Variants in RASAL3 observed in about 807,000 individuals in gnomAD.
RASAL3 encodes RAS protein activator like-3.
A neutral mutation model predicts 105.5 loss-of-function variants in RASAL3; 74 were observed. The observed-to-expected ratio is 0.70, with a 90% confidence interval of 0.58 to 0.85. RASAL3 has a LOEUF of 0.85. Ranked by LOEUF, RASAL3 falls within the 40% of genes least tolerant of loss-of-function variation. The pLI is 0.00. For synonymous variants in RASAL3, 579 were observed against 591.6 expected (o/e 0.98, Z 0.31); for missense variants, 1,352 against 1,392.0 (o/e 0.97, Z 0.46).
chr19:15,458,637 G>T lies in RASAL3; in HGVS notation c.681C>A (p.Gly227=). 4 of 1,613,330 alleles carry T rather than the reference G, an allele frequency of 2.5e-6. No individual in the cohort carries two copies. The highest frequency in any genetic ancestry group is 3.4e-6 in the Non-Finnish European group (4 of 1,179,674). Residue 227 remains glycine, a synonymous_variant, in exon 7 of 18, where the codon GGC becomes GGA. Coordinates refer to ENST00000343625, the MANE Select transcript of RASAL3 (RefSeq NM_022904.3). ...AGAGTGTGGCCAGCGACTCCCTAGA[G>T]CCCAGAGCACTGGGGGGTCTGGGAA... The part of the protein sequence containing the change: ...EPRDGPPSAL[G]SRESLATLSE...
intron 17 of RASAL3, 21 bp from the exon 18 acceptor site, chr19:15,451,959 G>A (rs766477720): frequency 3.3e-5 from 53 of 1,611,372 alleles, no homozygotes; most frequent in Non-Finnish European, 4.4e-5. Flanking sequence ...AGTGGTGATG[G>A]GGTTCAGAAA....
intron 8 of RASAL3, 78 bp downstream of exon 8, chr19:15,458,246 GAGCT>G: frequency 7.5e-7 from 1 of 1,338,664 alleles, no homozygotes; most frequent in Admixed American, 2.0e-5. Flanking sequence ...GTTATGGAGC[GAGCT>G]GGCTTTGGGT....
Position 15,461,297 on chromosome 19 carries a change from C to T in RASAL3, c.466-1G>A. 6.2e-7 allele frequency: 1 copy of T among 1,612,794 alleles called. No homozygotes were observed. Among genetic ancestry groups the T allele is most frequent in the Non-Finnish European group, 8.5e-7 (1 of 1,179,460 alleles). On this transcript the variant is annotated splice_acceptor_variant, in intron 3 of 17. Coordinates refer to ENST00000343625, the MANE Select transcript of RASAL3 (RefSeq NM_022904.3). LOFTEE classifies it high-confidence loss of function. ...TTCCCACCCGGGGCCTTCGAGGACC[C>T]TGTTCTCCCGCAGGAGTGGGTAGTC...
Position 15,461,242 on chromosome 19 carries a change from C to T in RASAL3, c.520G>A (p.Ala174Thr). Residue 174 changes from alanine (A) to threonine (T), a missense_variant, in exon 4 of 18, where the codon GCC (alanine) becomes ACC (threonine). Physicochemically the swap from Ala to Thr is moderately conservative, Grantham distance 58 (BLOSUM62 0). This residue lies in a region of RASAL3 where 344 missense variants were observed against 339.6 expected (regional missense o/e 1.01). Coordinates refer to ENST00000343625, the MANE Select transcript of RASAL3 (RefSeq NM_022904.3). ...SASSEGSIHV[A>T]MGNFRDPDRM... ...CCTGGATCCCTGAAGTTCCCCATGG[C>T]CACGTGGATGCTGCCCTCGGAGCTA... is the stretch of plus-strand genomic sequence containing the variant. The T allele has an allele frequency of 6.2e-7, 1 of 1,613,918 alleles. No individual in the cohort carries two copies. Among genetic ancestry groups the T allele is most frequent in the Non-Finnish European group, 8.5e-7 (1 of 1,179,856 alleles).
chr19:15,460,369 C>T (rs769570272), intron 5 of RASAL3, 111 bp from the exon 6 acceptor site: 2 of 937,254 alleles, frequency 2.1e-6, no homozygotes, highest in African/African-American at 1.7e-5. Flanking sequence ...ACACCAAGCT[C>T]AGGCTGTATT....
In RASAL3 at chr19:15,456,611, C is replaced by T; in HGVS notation, c.1467G>A (p.Ala489=). The change falls in exon 10 of 18, where the codon GCG becomes GCA. Residue 489 remains alanine (A), a synonymous_variant. Coordinates refer to ENST00000343625, the MANE Select transcript of RASAL3 (RefSeq NM_022904.3). The surrounding 1 kb of genome is among the most constrained non-coding windows in gnomAD (Gnocchi z 4.4). ...LVTDLGTAEL[A]RCGGREALLF... is the part of the protein sequence containing the mutation. ...GCAGCGCCTCACGGCCTCCACAGCGCGCCAGCTCCGCAGTGCCCAGGTCAG... is the reference window on the plus strand; with the variant it reads ...GCAGCGCCTCACGGCCTCCACAGCGTGCCAGCTCCGCAGTGCCCAGGTCAG... 6.2e-7 allele frequency: 1 copy of T among 1,613,270 alleles called. No homozygotes were observed. The highest frequency in any genetic ancestry group is 8.5e-7 in the Non-Finnish European group (1 of 1,179,698).
chr19:15,464,464 T>A, intron 1 of RASAL3, 41 bp downstream of exon 1: 1 of 1,132,782 alleles, frequency 8.8e-7, no homozygotes, highest in Non-Finnish European at 1.3e-6. Flanking sequence ...CAGCTCTGCC[T>A]CCAGGAATCC....
chr19:15,453,441 G>T lies in RASAL3; in HGVS notation c.2336C>A (p.Thr779Asn). 2 of 1,540,920 alleles carry T rather than the reference G, an allele frequency of 1.3e-6. No individual in the cohort carries two copies. Among genetic ancestry groups the T allele is most frequent in the East Asian group, 2.5e-5 (1 of 39,486 alleles). ...FLAPRDLPKH[T>N]PLISKSQSLR... The stretch of plus-strand genomic sequence containing the variant: ...AGACTGGCTCTTGGAGATGAGAGGG[G>T]TGTGCTTGGGGAGGTCCCGGGGGGC... The change falls in exon 15 of 18, where the codon ACC becomes AAC. Residue 779 changes from threonine to asparagine, a missense_variant. Transcript: ENST00000343625. This position sits in a 1 kb window ranked among gnomAD's most constrained non-coding sequence, Gnocchi z 4.2.
Position 15,453,551 on chromosome 19 carries a change from A to G in RASAL3, c.2280-54T>C, listed in dbSNP as rs1970227126. Reference sequence around the variant, plus strand: ...CTCCACTGGCCCCTGAGACGACCCCATCCCGACCTGACCAGAAGTGACCTC... The same window carrying G: ...CTCCACTGGCCCCTGAGACGACCCCGTCCCGACCTGACCAGAAGTGACCTC... On this transcript the variant is annotated intron_variant, in intron 14 of 17. Transcript: ENST00000343625. This position sits in a 1 kb window ranked among gnomAD's most constrained non-coding sequence, Gnocchi z 4.2. The G allele has an allele frequency of 1.4e-6, 2 of 1,449,364 alleles. No individual in the cohort carries two copies. The highest frequency in any genetic ancestry group is 1.8e-6 in the Non-Finnish European group (2 of 1,110,736). 89.8% of individuals were successfully genotyped at this position (1,449,364 alleles called of 1,614,324 possible). A position where few individuals can be genotyped will look rare whatever the true frequency, so the allele number is the denominator to read the frequency against.
rs751462297 is a variant in RASAL3 at position 15,457,470 on chromosome 19, CGCGCCCGCAGCGCT to C, written c.1239_1252del (p.Ala414AspfsTer64). On this transcript the variant is annotated frameshift_variant, in exon 9 of 18. Coordinates refer to ENST00000343625, the MANE Select transcript of RASAL3 (RefSeq NM_022904.3). LOFTEE classifies it high-confidence loss of function. This position sits in a 1 kb window ranked among gnomAD's most constrained non-coding sequence, Gnocchi z 8.6. ...CACGCGCAGGCGACGCGCCCGAATC[CGCGCCCGCAGCGCT>C]GCGCCCGCCGGCGCCCCGAGCAGCG... 5,157 of 1,353,842 alleles carry C rather than the reference CGCGCCCGCAGCGCT, an allele frequency of 3.8e-3. 20 individuals are homozygous for C. Among genetic ancestry groups the C allele is most frequent in the Non-Finnish European group, 4.3e-3 (4,568 of 1,052,998 alleles). 83.9% of individuals were successfully genotyped at this position (1,353,842 alleles called of 1,614,324 possible). A position where few individuals can be genotyped will look rare whatever the true frequency, so the allele number is the denominator to read the frequency against.
chr19:15,458,279 C>T (rs1397558999), intron 8 of RASAL3, 49 bp downstream of exon 8: 6 of 1,556,660 alleles, frequency 3.9e-6, no homozygotes, highest in Non-Finnish European at 4.4e-6. Flanking sequence ...AGGGGCGGGC[C>T]AGGCCTGTGG....
chr19:15,452,857 C>T, intron 15 of RASAL3, 42 bp from the exon 16 acceptor site: 6 of 1,493,236 alleles, frequency 4.0e-6, no homozygotes, highest in African/African-American at 1.4e-5. Context: ...GTTGTCCCGC[C>T]CCTGTGTCTC....
chr19:15,454,054 C>T, intron 14 of RASAL3, 95 bp downstream of exon 14: 2 of 895,034 alleles, frequency 2.2e-6, no homozygotes, highest in South Asian at 3.3e-5. Flanking sequence ...GGCTTGACCT[C>T]TGCTCACAAT....
chr19:15,453,326 C>G lies in RASAL3; in HGVS notation c.2451G>C (p.Thr817=). Residue 817 remains threonine (T), a synonymous_variant, in exon 15 of 18, where the codon ACG becomes ACC. Transcript: ENST00000343625. The surrounding 1 kb of genome is among the most constrained non-coding windows in gnomAD (Gnocchi z 4.2). ...CAGGACGCCGGACCGGGACACTCTGCGTGCGCTGCACCGGCCGGGGCCGCC... is the reference window on the plus strand; with the variant it reads ...CAGGACGCCGGACCGGGACACTCTGGGTGCGCTGCACCGGCCGGGGCCGCC... ...PLRRPRPVQR[T]QSVPVRRPAR... 6.8e-7 allele frequency: 1 copy of G among 1,461,420 alleles called. No individual in the cohort carries two copies. The highest frequency in any genetic ancestry group is 1.5e-5 in the African/African-American group (1 of 68,086). The allele number at this position is 1,461,420 out of a possible 1,614,324, so 90.5% of individuals were successfully genotyped here.
In RASAL3 at chr19:15,457,757, C is replaced by A. The variant is rs1442693424; in HGVS notation, c.966G>T (p.Gly322=). 2.6e-6 allele frequency: 4 copies of A among 1,545,458 alleles called. No individual in the cohort carries two copies. The African/African-American group carries it at 5.5e-5, about 21-fold the overall frequency. Residue 322 remains glycine, a synonymous_variant, in exon 9 of 18, where the codon GGG becomes GGT. Coordinates refer to ENST00000343625, the MANE Select transcript of RASAL3 (RefSeq NM_022904.3). The surrounding 1 kb of genome is among the most constrained non-coding windows in gnomAD (Gnocchi z 8.6). ...ACAGCTCGGCGCGCACGCCGGGTGC[C>A]CCCGCCGCTGCTCGGGGAAGCCCCT... ...EAKGLPRAAA[G]APGVRAELWL...
chr19:15,461,263 A>G lies in RASAL3; in HGVS notation c.499T>C (p.Ser167Pro). 1 of 1,613,682 alleles carries G rather than the reference A, an allele frequency of 6.2e-7. No homozygotes were observed. Among genetic ancestry groups the G allele is most frequent in the Admixed American group, 1.7e-5 (1 of 59,984 alleles). Residue 167 changes from serine to proline, a missense_variant, in exon 4 of 18, where the codon TCC becomes CCC. Physicochemically the swap from Ser to Pro is moderately conservative, Grantham distance 74. Around this residue, in one of 3 missense-constraint regions of RASAL3, gnomAD observed 344 missense variants for 339.6 expected, o/e 1.01. Coordinates refer to ENST00000343625, the MANE Select transcript of RASAL3 (RefSeq NM_022904.3). ...ATGGCCACGTGGATGCTGCCCTCGG[A>G]GCTAGCACTTCCCACCCGGGGCCTT... Reference protein sequence around the residue: ...PRRPRVGSASSEGSIHVAMGN... With the variant: ...PRRPRVGSASPEGSIHVAMGN...
intron 2 of RASAL3, among the ~76,000 whole-genome samples, chr19:15,463,081 CTTT>C (rs527514253): frequency 6.9e-6 from 1 of 143,932 alleles, no homozygotes; most frequent in African/African-American, 2.5e-5. Flanking sequence ...TTTTTTCTTT[CTTT>C]TTTTTTTTTT....
rs1444894903 is a variant in RASAL3 at position 15,454,574 on chromosome 19, C to A, written c.1959-12G>T. The A allele has an allele frequency of 2.5e-6, 4 of 1,613,216 alleles. No homozygotes were observed. The highest frequency in any genetic ancestry group is 3.4e-6 in the Non-Finnish European group (4 of 1,179,646). On this transcript the variant is annotated splice_polypyrimidine_tract_variant and intron_variant, in intron 12 of 17. Transcript: ENST00000343625. Reference sequence around the variant, plus strand: ...CCTTCTCACCGAACCTGGATCAGGGCCAGGCTGGGTGGGTCAGGTCAGGCA... The same window carrying A: ...CCTTCTCACCGAACCTGGATCAGGGACAGGCTGGGTGGGTCAGGTCAGGCA...
intron 5 of RASAL3, 75 bp downstream of exon 5, chr19:15,460,985 G>A (rs1970488386): frequency 5.1e-6 from 7 of 1,376,716 alleles, no homozygotes; most frequent in Admixed American, 3.6e-5. Context: ...CACCCAGCAA[G>A]AGTGCCCTTT....
Sources: allele counts gnomAD v4.1 joint callset (sites outside exome capture counted in the v4.1 genomes callset), GRCh38; gene constraint gnomAD v4.1.1; regional missense constraint gnomAD v4.1.1; non-coding constraint Gnocchi (gnomAD v3.1); transcripts MANE v1.5; gene names NCBI Gene and HGNC (gene_info 2026-07-23, HGNC 2026-07-21).